Variants in DACT2 observed in about 807,000 individuals in gnomAD.
DACT2 encodes the protein dishevelled binding antagonist of beta catenin 2, also known as dapper homolog 2.
DACT2 carries 20 observed loss-of-function variants against 22.2 expected under a neutral mutation model. The ratio of observed to expected loss-of-function variants is 0.90; its 90% CI spans 0.63 to 1.31. The LOEUF (loss-of-function observed/expected upper bound fraction) is 1.31. DACT2 is among the 50% of genes most tolerant of loss of function. The probability of loss-of-function intolerance (pLI) is 0.00; values close to 1 mark genes in which losing one functional copy is unlikely to be tolerated. For missense variants in DACT2, 1,048 were observed against 1,061.4 expected (o/e 0.99, Z 0.18); for synonymous variants, 463 against 479.8 (o/e 0.96, Z 0.46).
At chr6:168,297,781 G>A (rs1166284619) in intron 3 of DACT2, among the ~76,000 whole-genome samples, 1 of 152,240 alleles carries the variant, frequency 6.6e-6, no homozygotes, top group Non-Finnish European at 1.5e-5. Context: ...GCTTGAAACG[G>A]CAACGTAAGA....
At chr6:168,315,148 C>G (rs1404613283) in intron 1 of DACT2, among the ~76,000 whole-genome samples, 1 of 152,216 alleles carries the variant, frequency 6.6e-6, no homozygotes, top group Non-Finnish European at 1.5e-5. Context: ...CTGCCACTTT[C>G]AGAACAAGTC....
chr6:168,293,792 G>T, exon 6 of DACT2: 1 of 694,984 alleles, frequency 1.4e-6, no homozygotes, highest in East Asian at 2.7e-5. Context: ...GGCAGAGGGG[G>T]GCCGATGATA....
At chr6:168,314,276 T>C (rs1022178358) in intron 1 of DACT2, among the ~76,000 whole-genome samples, 4 of 152,168 alleles carry the variant, frequency 2.6e-5, no homozygotes, top group African/African-American at 9.6e-5. Flanking sequence ...CCAGGCGGCC[T>C]TGCTCACGGT....
chr6:168,298,136 C>G (rs569664697), intron 3 of DACT2: 1 of 152,308 alleles, frequency 6.6e-6, no homozygotes, highest in African/African-American at 2.4e-5. Flanking sequence ...GTTTCAGGTA[C>G]ACGCATGTAC....
chr6:168,294,443 C>T (rs956022013), intron 4 of DACT2, among the ~76,000 whole-genome samples: 24 of 142,776 alleles, frequency 1.7e-4, no homozygotes, highest in African/African-American at 6.5e-4. Context: ...CTAAGAACAT[C>T]CTTCCCCTGA....
intron 2 of DACT2, 132 bp downstream of exon 2, chr6:168,311,020 G>C (rs1229792991): frequency 7.5e-6 from 9 of 1,203,938 alleles, no homozygotes; most frequent in Non-Finnish European, 9.8e-6. Context: ...TGACGAAGCG[G>C]CCATCTCCCT....
downstream of DACT2, among the ~76,000 whole-genome samples, chr6:168,305,015 T>A (rs1779176496): frequency 6.6e-6 from 1 of 152,058 alleles, no homozygotes; most frequent in Non-Finnish European, 1.5e-5. Context: ...AAATGCATGT[T>A]TGGGCCTCCA....
chr6:168,311,428 C>T, intron 1 of DACT2, 144 bp from the exon 2 acceptor site: 1 of 1,132,506 alleles, frequency 8.8e-7, no homozygotes, highest in Non-Finnish European at 1.2e-6. Flanking sequence ...CGGCAGCTGC[C>T]CCTGCTCACT....
chr6:168,304,559 C>T (rs1369869811), downstream of DACT2, among the ~76,000 whole-genome samples: 2 of 152,246 alleles, frequency 1.3e-5, no homozygotes, highest in African/African-American at 4.8e-5. Context: ...CTGGTGGTGC[C>T]TGGGCGATGT....
In DACT2 at chr6:168,316,242, C is replaced by A. The variant is rs115161795; in HGVS notation, c.246+3146G>T. Among the ~76,000 whole-genome samples the A allele has an allele frequency of 5.7e-3, 862 of 151,970 alleles. 6 individuals are homozygous for A. The highest frequency in any genetic ancestry group is 0.02 in the African/African-American group (811 of 41,498). ...CCCTTGACAGAACAGTTGAAGCCAG[C>A]ATCTCGGCAGCACCTCCCTTCCCAT... On this transcript the variant is annotated intron_variant, in intron 1 of 3. Coordinates refer to ENST00000366795, the MANE Select transcript of DACT2 (RefSeq NM_214462.5).
downstream of DACT2, among the ~76,000 whole-genome samples, chr6:168,304,736 A>G (rs115903970): frequency 0.027 from 4,050 of 152,268 alleles, 186 homozygotes; most frequent in African/African-American, 0.092. Context: ...TATCAGCTTC[A>G]TTTGATGAAG....
Position 168,319,768 on chromosome 6 carries a change from G to A in DACT2, c.-135C>T. 5.1e-6 allele frequency: 6 copies of A among 1,169,076 alleles called. No homozygotes were observed. Among genetic ancestry groups the A allele is most frequent in the Non-Finnish European group, 6.3e-6 (6 of 946,814 alleles). The allele number at this position is 1,169,076 out of a possible 1,614,324, so 72.4% of individuals were successfully genotyped here. A position where few individuals can be genotyped will look rare whatever the true frequency, so the allele number is the denominator to read the frequency against. Reference sequence around the variant, plus strand: ...CCGGCTCCGCAGGTCGCCAAGGTGGGCTGGAATCTGTGGCCAGGCGCGGAG... The same window carrying A: ...CCGGCTCCGCAGGTCGCCAAGGTGGACTGGAATCTGTGGCCAGGCGCGGAG... On this transcript the variant is annotated 5_prime_UTR_variant, in exon 1 of 4. Coordinates refer to ENST00000366795, the MANE Select transcript of DACT2 (RefSeq NM_214462.5).
At chr6:168,318,910 T>G (rs2114922020) in intron 1 of DACT2, among the ~76,000 whole-genome samples, 1 of 152,226 alleles carries the variant, frequency 6.6e-6, no homozygotes, top group Admixed American at 6.5e-5. Context: ...TGAGGACAAG[T>G]CGGGGTGCGC....
chr6:168,311,563 C>CAA (rs1562498447), intron 1 of DACT2, among the ~76,000 whole-genome samples: 2 of 142,656 alleles, frequency 1.4e-5, no homozygotes, highest in Non-Finnish European at 3.0e-5. Context: ...CACACACTCA[C>CAA]ACACAAACAC....
chr6:168,313,459 C>T (rs992837257), intron 1 of DACT2, among the ~76,000 whole-genome samples: 9 of 152,172 alleles, frequency 5.9e-5, no homozygotes, highest in African/African-American at 2.2e-4. Context: ...GGCTCCTTAC[C>T]CTGCACACTT....
chr6:168,297,467 A>G (rs1177983804), intron 3 of DACT2, among the ~76,000 whole-genome samples: 1 of 152,232 alleles, frequency 6.6e-6, no homozygotes, highest in Non-Finnish European at 1.5e-5. Flanking sequence ...TCACAGTGGA[A>G]GAGGAGGCCC....
intron 3 of DACT2, among the ~76,000 whole-genome samples, chr6:168,296,044 G>C (rs1158897768): frequency 6.9e-6 from 1 of 145,378 alleles, no homozygotes; most frequent in Non-Finnish European, 1.5e-5. Flanking sequence ...GGAAAGAGCA[G>C]ATCCATCCAC....
At chr6:168,303,503 C>T (rs1272218561), downstream of DACT2, among the ~76,000 whole-genome samples, 1 of 152,318 alleles carries the variant, frequency 6.6e-6, no homozygotes, top group Middle Eastern at 3.4e-3. Flanking sequence ...CTTCTCTCAC[C>T]ATGTGTCTCT....
downstream of DACT2, among the ~76,000 whole-genome samples, chr6:168,306,688 G>A (rs1318160158): frequency 3.5e-4 from 53 of 151,032 alleles, no homozygotes; most frequent in African/African-American, 2.4e-5. Context: ...CTGACTTTGT[G>A]ATCCACCCGC....
Sources: allele counts gnomAD v4.1 joint callset (sites outside exome capture counted in the v4.1 genomes callset), GRCh38; gene constraint gnomAD v4.1.1; transcripts MANE v1.5; gene names NCBI Gene and HGNC (gene_info 2026-07-23, HGNC 2026-07-21).